The following CCDC148 variants were observed in gnomAD, a reference collection of about 807,000 sequenced individuals.
CCDC148 encodes coiled-coil domain containing 148.
CCDC148 carries 89 observed loss-of-function variants against 85.7 expected under a neutral mutation model. The ratio of observed to expected loss-of-function variants is 1.04; its 90% CI spans 0.87 to 1.24. The LOEUF (loss-of-function observed/expected upper bound fraction) is 1.24, where lower values mean the gene tolerates loss of function less well. Ranked by LOEUF, CCDC148 falls within the 50% of genes most tolerant of loss-of-function variation. The pLI is 0.00. For missense variants in CCDC148, 692 were observed against 671.7 expected (o/e 1.03, Z -0.33); for synonymous variants, 230 against 213.9 (o/e 1.08, Z -0.66).
Position 158,338,839 on chromosome 2 carries a change from C to T in CCDC148, c.651G>A (p.Leu217=). 6.2e-7 allele frequency: 1 copy of T among 1,612,660 alleles called. No homozygotes were observed. The highest frequency in any genetic ancestry group is 8.5e-7 in the Non-Finnish European group (1 of 1,179,596). The part of the protein sequence containing the change: ...LSELPIELES[L]ECPYPDLKSS... ...ATTTCAAATCAGGGTATGGGCATTC[C>T]AAACTTTCTAATTCAATGGGCAGTT... is the stretch of plus-strand genomic sequence containing the variant. Residue 217 remains leucine (L), a synonymous_variant, in exon 7 of 14, where the codon TTG becomes TTA. Coordinates refer to ENST00000283233, the MANE Select transcript of CCDC148 (RefSeq NM_138803.4).
intron 9 of CCDC148, among the ~76,000 whole-genome samples, chr2:158,275,713 T>A (rs1047846932): frequency 1.4e-5 from 2 of 141,814 alleles, no homozygotes; most frequent in African/African-American, 5.1e-5. Flanking sequence ...TCTAAAAGAT[T>A]CTTGATGGGA....
chr2:158,415,704 G>T (rs1029411743), intron 1 of CCDC148, among the ~76,000 whole-genome samples: 2 of 152,194 alleles, frequency 1.3e-5, no homozygotes, highest in African/African-American at 4.8e-5. Context: ...AGAGAAATCT[G>T]CCAGAAGAAA....
intron 1 of CCDC148, among the ~76,000 whole-genome samples, chr2:158,431,196 GA>G (rs1559140250): frequency 6.6e-6 from 1 of 151,028 alleles, no homozygotes. Flanking sequence ...TTTCAAATCT[GA>G]AAAAAAAGAT....
At chr2:158,275,345 AAAATT>A (rs1190044211) in intron 9 of CCDC148, among the ~76,000 whole-genome samples, 4 of 152,142 alleles carry the variant, frequency 2.6e-5, no homozygotes. Flanking sequence ...AGTATTTTGC[AAAATT>A]AAGGAAGAGA....
rs140240262 is a variant in CCDC148, at chr2:158,172,209, T to C, written c.1680A>G (p.Gly560=). ...CTTTAGCATAAAGTGTTCTATGAAG[T>C]CCAGCTTCTCGAAGTGCTAACTCGA... ...LRFELALREA[G]LHRTLYAKEI... The change falls in exon 14 of 14, where the codon GGA becomes GGG. Residue 560 remains glycine, a synonymous_variant. Transcript: ENST00000283233. 321 of 1,609,132 alleles carry C rather than the reference T, an allele frequency of 2.0e-4. No individual in the cohort carries two copies. Among genetic ancestry groups the C allele is most frequent in the Admixed American group, 4.2e-4 (25 of 59,418 alleles).
Position 158,342,021 on chromosome 2 carries a change from C to CTTTTTTTTTTTTTTTTTTTT in CCDC148, c.252-1342_252-1341insAAAAAAAAAAAAAAAAAAAA. On this transcript the variant is annotated intron_variant, in intron 3 of 13. Coordinates refer to ENST00000283233, the MANE Select transcript of CCDC148 (RefSeq NM_138803.4). ...CATTTTATGTACGTGTCATTATTTTCTTTTCTTTTTTTTTTTTTTTTTTTT... is the reference window on the plus strand; with the variant it reads ...CATTTTATGTACGTGTCATTATTTTCTTTTTTTTTTTTTTTTTTTTTTTTCTTTTTTTTTTTTTTTTTTTT... 3.5e-5 allele frequency among the ~76,000 whole-genome samples: 3 copies of CTTTTTTTTTTTTTTTTTTTT among 85,624 alleles called. 1 individual carries two copies. Among genetic ancestry groups the CTTTTTTTTTTTTTTTTTTTT allele is most frequent in the Non-Finnish European group, 6.1e-5 (3 of 49,216 alleles). 56.2% of individuals were successfully genotyped at this position (85,624 alleles called of 152,430 possible). A position where few individuals can be genotyped will look rare whatever the true frequency, so the allele number is the denominator to read the frequency against.
At chr2:158,452,127 A>G (rs141065082) in intron 1 of CCDC148, among the ~76,000 whole-genome samples, 278 of 152,344 alleles carry the variant, frequency 1.8e-3, no homozygotes, top group East Asian at 0.017. Context: ...ATTTAATTAC[A>G]TATGTACACA....
At chr2:158,378,281 A>G (rs1684736520) in intron 1 of CCDC148, among the ~76,000 whole-genome samples, 1 of 152,146 alleles carries the variant, frequency 6.6e-6, no homozygotes. Flanking sequence ...GCAAAACCCT[A>G]ATTCAGAGCA....
At chr2:158,244,556 G>A (rs550223692) in intron 10 of CCDC148, among the ~76,000 whole-genome samples, 62 of 152,176 alleles carry the variant, frequency 4.1e-4, no homozygotes, top group Non-Finnish European at 7.1e-4. Flanking sequence ...ATCTCCTTGA[G>A]GCCACCACAT....
At chr2:158,312,578 C>CAAAA (rs61545122) in intron 8 of CCDC148, among the ~76,000 whole-genome samples, 10 of 76,114 alleles carry the variant, frequency 1.3e-4, no homozygotes, top group Non-Finnish European at 2.1e-4. Context: ...GAATCCATCT[C>CAAAA]AAAAAAAAAA....
At chr2:158,455,064 C>A (rs55873205) in intron 1 of CCDC148, among the ~76,000 whole-genome samples, 1 of 152,066 alleles carries the variant, frequency 6.6e-6, no homozygotes, top group Non-Finnish European at 1.5e-5. Context: ...CCATTAGACA[C>A]AACTTTCATT....
chr2:158,456,597 A>C lies in CCDC148; in HGVS notation c.-158T>G. The stretch of plus-strand genomic sequence containing the variant: ...CCTACCAGGCACAGTTGGGATTGGC[A>C]GTAAGGCAAGGAAAGCCTGCCCCAG... On this transcript the variant is annotated 5_prime_UTR_variant, in exon 1 of 14. Transcript: ENST00000283233. 1.1e-6 allele frequency: 1 copy of C among 904,858 alleles called. No homozygotes were observed. The highest frequency in any genetic ancestry group is 1.7e-6 in the Non-Finnish European group (1 of 605,344). The allele number at this position is 904,858 out of a possible 1,614,324, so 56.1% of individuals were successfully genotyped here. A position where few individuals can be genotyped will look rare whatever the true frequency, so the allele number is the denominator to read the frequency against.
intron 1 of CCDC148, among the ~76,000 whole-genome samples, chr2:158,423,099 G>T (rs971705500): frequency 6.6e-6 from 1 of 152,246 alleles, no homozygotes; most frequent in Non-Finnish European, 1.5e-5. Flanking sequence ...ACAAATGGAA[G>T]AACATTCCAT....
intron 7 of CCDC148, among the ~76,000 whole-genome samples, chr2:158,323,579 C>T (rs1472098015): frequency 9.9e-5 from 15 of 152,188 alleles, no homozygotes; most frequent in Admixed American, 9.8e-4. Context: ...GGCATGTGTA[C>T]ATTCTTGAAG....
chr2:158,171,728 CA>C lies in CCDC148; in HGVS notation c.*384del, dbSNP rs1422643108. On this transcript the variant is annotated 3_prime_UTR_variant, in exon 14 of 14. Coordinates refer to ENST00000283233, the MANE Select transcript of CCDC148 (RefSeq NM_138803.4). ...AATGAAGCTTCCATAATTAAAAAGT[CA>C]AATTCTGAAATAACAAGCAGAAATG... The C allele has an allele frequency of 6.6e-6, 1 of 152,656 alleles. No homozygotes were observed. Among genetic ancestry groups the C allele is most frequent in the Admixed American group, 6.6e-5 (1 of 15,208 alleles). The allele number at this position is 152,656 out of a possible 1,614,324, so 9.5% of individuals were successfully genotyped here.
rs527683622 is a variant in CCDC148 at position 158,310,138 on chromosome 2, G to A, written c.904-499C>T. Among the ~76,000 whole-genome samples the A allele has an allele frequency of 6.6e-5, 10 of 152,284 alleles. No homozygotes were observed. In the South Asian group the frequency reaches 1.0e-3, roughly 16 times the overall value. On this transcript the variant is annotated intron_variant, in intron 8 of 13. Transcript: ENST00000283233. Reference sequence around the variant, plus strand: ...AGTGGTGATGACTCTTAAGGAGCACGCTGCCTTCAAGCATCTGTTTAACAA... The same window carrying A: ...AGTGGTGATGACTCTTAAGGAGCACACTGCCTTCAAGCATCTGTTTAACAA...
intron 1 of CCDC148, among the ~76,000 whole-genome samples, chr2:158,438,302 G>A (rs2105339695): frequency 6.6e-6 from 1 of 152,166 alleles, no homozygotes; most frequent in African/African-American, 2.4e-5. Flanking sequence ...ACAGAACAGA[G>A]CCCTCAGAAA....
At chr2:158,273,879 A>G (rs981599528) in intron 9 of CCDC148, among the ~76,000 whole-genome samples, 3 of 152,112 alleles carry the variant, frequency 2.0e-5, no homozygotes, top group Non-Finnish European at 4.4e-5. Context: ...ACCAAAAAAA[A>G]ATATTACAAG....
chr2:158,356,488 C>G (rs1293742366), intron 2 of CCDC148, among the ~76,000 whole-genome samples: 1 of 151,930 alleles, frequency 6.6e-6, no homozygotes, highest in Admixed American at 6.6e-5. Flanking sequence ...AAATGCTCAT[C>G]ATCACTGGCC....
Sources: allele counts gnomAD v4.1 joint callset (sites outside exome capture counted in the v4.1 genomes callset), GRCh38; gene constraint gnomAD v4.1.1; transcripts MANE v1.5; gene names NCBI Gene and HGNC (gene_info 2026-07-23, HGNC 2026-07-21).